CACNA2D3: variants seen among roughly 807,000 people sequenced by gnomAD.
CACNA2D3 encodes calcium voltage-gated channel auxiliary subunit alpha2delta 3.
A neutral mutation model predicts 160.6 loss-of-function variants in CACNA2D3; 60 were observed. The ratio of observed to expected loss-of-function variants is 0.37; its 90% CI spans 0.30 to 0.46. The LOEUF (loss-of-function observed/expected upper bound fraction) is 0.46. CACNA2D3 is among the 20% of genes least tolerant of loss of function. CACNA2D3 has a pLI of 1.00. For missense variants in CACNA2D3, 1,205 were observed against 1,365.0 expected, an observed-to-expected ratio of 0.88 and a Z score of 1.85; for synonymous variants, 558 against 492.9, an observed-to-expected ratio of 1.13 and a Z score of -1.75.
At chr3:55,007,122 T>C (rs1194885201) in intron 32 of CACNA2D3, among the ~76,000 whole-genome samples, 6 of 152,186 alleles carry the variant, frequency 3.9e-5, no homozygotes, top group African/African-American at 1.4e-4. Context: ...ATAGGAAATA[T>C]CACAGAGTAA....
intron 4 of CACNA2D3, among the ~76,000 whole-genome samples, chr3:54,500,557 C>CCTT (rs1575491006): frequency 1.4e-5 from 2 of 146,834 alleles, no homozygotes; most frequent in Admixed American, 6.9e-5. Flanking sequence ...TCCTTCCTTT[C>CCTT]TCTCTCTTTC....
At chr3:55,063,477 C>T (rs1033963692) in intron 35 of CACNA2D3, among the ~76,000 whole-genome samples, 2 of 151,592 alleles carry the variant, frequency 1.3e-5, no homozygotes, top group African/African-American at 4.9e-5. Flanking sequence ...AAAAAAAATG[C>T]AAAATGAAAC....
chr3:54,175,290 C>T (rs73844325), intron 2 of CACNA2D3, among the ~76,000 whole-genome samples: 6,159 of 152,044 alleles, frequency 0.041, 409 homozygotes, highest in African/African-American at 0.14. Flanking sequence ...TTCCTCTGGC[C>T]CTCTCAAGAT....
At chr3:54,767,413 G>A (rs956617178) in intron 13 of CACNA2D3, among the ~76,000 whole-genome samples, 1 of 152,280 alleles carries the variant, frequency 6.6e-6, no homozygotes, top group Middle Eastern at 3.4e-3. Flanking sequence ...TATGGTTACA[G>A]CAATTCTGAA....
chr3:54,418,185 G>T (rs1699785212), intron 4 of CACNA2D3, among the ~76,000 whole-genome samples: 1 of 152,190 alleles, frequency 6.6e-6, no homozygotes, highest in Admixed American at 6.5e-5. Context: ...ACGTTAGTTT[G>T]CTGTCTAGTT....
intron 2 of CACNA2D3, among the ~76,000 whole-genome samples, chr3:54,316,582 A>G (rs1703867581): frequency 1.3e-5 from 2 of 152,212 alleles, no homozygotes; most frequent in South Asian, 2.1e-4. Context: ...TACTCAGGCT[A>G]GAGAGGAATG....
At chr3:54,533,067 C>T (rs1701830190) in intron 5 of CACNA2D3, among the ~76,000 whole-genome samples, 1 of 152,132 alleles carries the variant, frequency 6.6e-6, no homozygotes, top group African/African-American at 2.4e-5. Context: ...TGCCCATTTC[C>T]TCCTCAGGGT....
At chr3:54,793,928 TTA>T (rs1702812433) in intron 13 of CACNA2D3, among the ~76,000 whole-genome samples, 1 of 152,162 alleles carries the variant, frequency 6.6e-6, no homozygotes, top group African/African-American at 2.4e-5. Context: ...TTTAGATTTT[TTA>T]TTTCTTAATA....
intron 8 of CACNA2D3, among the ~76,000 whole-genome samples, chr3:54,578,376 A>C (rs1002204663): frequency 1.2e-4 from 19 of 152,238 alleles, no homozygotes; most frequent in African/African-American, 4.6e-4. Flanking sequence ...ACATCGTTTC[A>C]CAAAATAGAA....
At chr3:54,752,954 G>A (rs1425673808) in intron 12 of CACNA2D3, among the ~76,000 whole-genome samples, 2 of 150,832 alleles carry the variant, frequency 1.3e-5, no homozygotes, top group African/African-American at 4.9e-5. Context: ...CACGCCTCCC[G>A]AGTTCAAGCA....
chr3:54,502,258 CAT>C (rs1182908306), intron 4 of CACNA2D3, among the ~76,000 whole-genome samples: 6 of 152,194 alleles, frequency 3.9e-5, no homozygotes, highest in Non-Finnish European at 8.8e-5. Context: ...TCCCATTACA[CAT>C]ATGTTACACG....
chr3:54,687,123 TTTTTTTTTTTTG>T (rs1201877583), intron 11 of CACNA2D3, among the ~76,000 whole-genome samples: 45 of 31,448 alleles, frequency 1.4e-3, no homozygotes, highest in African/African-American at 3.6e-3. Flanking sequence ...TTCTTTTTCT[TTTTTTTTTTTTG>T]TTTTTTTTTT....
At chr3:54,862,971 T>C (rs539796103) in intron 17 of CACNA2D3, among the ~76,000 whole-genome samples, 9 of 152,344 alleles carry the variant, frequency 5.9e-5, no homozygotes, top group Admixed American at 2.0e-4. Flanking sequence ...TCTTTTGATA[T>C]GGTCAACTGC....
chr3:55,039,191 C>A (rs980406425), intron 35 of CACNA2D3, among the ~76,000 whole-genome samples: 6 of 152,046 alleles, frequency 3.9e-5, no homozygotes, highest in Admixed American at 2.0e-4. Context: ...ATTTCTTCAC[C>A]TGTAGAAACC....
At chr3:55,015,401 A>G (rs751596898) in intron 34 of CACNA2D3, among the ~76,000 whole-genome samples, 1 of 152,104 alleles carries the variant, frequency 6.6e-6, no homozygotes, top group Non-Finnish European at 1.5e-5. Flanking sequence ...TAATTTTGTC[A>G]TGTTTTACTA....
At chr3:54,372,935 G>A (rs1208316811) in intron 3 of CACNA2D3, among the ~76,000 whole-genome samples, 1 of 152,206 alleles carries the variant, frequency 6.6e-6, no homozygotes, top group Non-Finnish European at 1.5e-5. Context: ...TAACAAAAGT[G>A]AATTTCAGGC....
At chr3:54,573,848 C>T (rs1702538409) in intron 8 of CACNA2D3, among the ~76,000 whole-genome samples, 1 of 152,182 alleles carries the variant, frequency 6.6e-6, no homozygotes, top group Non-Finnish European at 1.5e-5. Context: ...CGAATTTTGC[C>T]TCGTTGAATT....
At chr3:54,573,799 T>G (rs11915951) in intron 8 of CACNA2D3, among the ~76,000 whole-genome samples, 29,253 of 152,254 alleles carry the variant, frequency 0.19, 3,459 homozygotes, top group Non-Finnish European at 0.27. Flanking sequence ...TTCATTTGCA[T>G]TCCCTTGAAT....
At chr3:54,292,056 T>G (rs2107478626) in intron 2 of CACNA2D3, among the ~76,000 whole-genome samples, 1 of 152,232 alleles carries the variant, frequency 6.6e-6, no homozygotes, top group South Asian at 2.1e-4. Flanking sequence ...TGCCAAGACC[T>G]TTCGGTGGTA....
Sources: allele counts gnomAD v4.1 joint callset (sites outside exome capture counted in the v4.1 genomes callset), GRCh38; gene constraint gnomAD v4.1.1; transcripts MANE v1.5; gene names NCBI Gene and HGNC (gene_info 2026-07-23, HGNC 2026-07-21).